ERO1B: variants seen among roughly 807,000 people sequenced by gnomAD.
ERO1B encodes the protein ERO1-like protein beta.
Under a neutral mutation model 75.3 loss-of-function variants are expected in ERO1B, and 49 were observed. The ratio of observed to expected loss-of-function variants is 0.65; its 90% CI spans 0.52 to 0.83. The LOEUF is 0.83. Ranked by LOEUF, ERO1B falls within the 40% of genes least tolerant of loss-of-function variation. The pLI is 0.00. For synonymous variants in ERO1B, 191 were observed against 192.9 expected, an observed-to-expected ratio of 0.99 and a Z score of 0.08; for missense variants, 512 against 560.1, an observed-to-expected ratio of 0.91 and a Z score of 0.87.
At chr1:236,246,334 ATTTT>A (rs879791349) in intron 5 of ERO1B, among the ~76,000 whole-genome samples, 10,431 of 148,216 alleles carry the variant, frequency 0.07, 743 homozygotes, top group East Asian at 0.39. Context: ...GCACCTGGCT[ATTTT>A]TTTTTTTAAT....
At chr1:236,274,563 C>G (rs573280731) in intron 1 of ERO1B, among the ~76,000 whole-genome samples, 2 of 152,256 alleles carry the variant, frequency 1.3e-5, no homozygotes, top group South Asian at 4.1e-4. Flanking sequence ...GACATTCTCA[C>G]TCTATTCTCC....
Position 236,235,774 on chromosome 1 carries a change from A to T in ERO1B, c.673+15T>A, listed in dbSNP as rs764327535. The stretch of plus-strand genomic sequence containing the variant: ...AACAATGAAAAGCATGAAAATGTAC[A>T]TATGAAAAACCTACCTCGGCTAGGC... On this transcript the variant is annotated intron_variant, in intron 8 of 15. Coordinates refer to ENST00000354619, the MANE Select transcript of ERO1B (RefSeq NM_019891.4). 4 of 1,602,420 alleles carry T rather than the reference A, an allele frequency of 2.5e-6. No individual in the cohort carries two copies. Among genetic ancestry groups the T allele is most frequent in the Admixed American group, 1.7e-5 (1 of 57,570 alleles).
chr1:236,243,887 A>C (rs1333718177), intron 5 of ERO1B, among the ~76,000 whole-genome samples: 2 of 152,174 alleles, frequency 1.3e-5, no homozygotes, highest in Non-Finnish European at 2.9e-5. Flanking sequence ...GAATTCTTTT[A>C]ATTTAAATTG....
chr1:236,243,755 G>T (rs1356008873), intron 5 of ERO1B, among the ~76,000 whole-genome samples: 1 of 151,982 alleles, frequency 6.6e-6, no homozygotes, highest in African/African-American at 2.4e-5. Flanking sequence ...ATTTCAAGGA[G>T]AAATTAATTT....
Position 236,216,636 on chromosome 1 carries a change from T to TG in ERO1B, c.*1879dup, listed in dbSNP as rs1663987533. 2 of 152,050 alleles carry TG rather than the reference T, an allele frequency of 1.3e-5. 1 individual carries two copies. Among genetic ancestry groups the TG allele is most frequent in the Admixed American group, 1.3e-4 (2 of 15,244 alleles). The allele number at this position is 152,050 out of a possible 1,614,324, so 9.4% of individuals were successfully genotyped here. A position where few individuals can be genotyped will look rare whatever the true frequency, so the allele number is the denominator to read the frequency against. On this transcript the variant is annotated 3_prime_UTR_variant, in exon 16 of 16. Transcript: ENST00000354619. Reference sequence around the variant, plus strand: ...TCACAGTACAGAAAAAAACAATAAATGGACATGAGCGAGGATTTTCTCCAG... The same window carrying TG: ...TCACAGTACAGAAAAAAACAATAAATGGGACATGAGCGAGGATTTTCTCCAG...
intron 5 of ERO1B, among the ~76,000 whole-genome samples, chr1:236,245,314 A>ATATACACACACGTATATATATACG (rs1558513064): frequency 5.3e-5 from 1 of 18,812 alleles, no homozygotes; most frequent in African/African-American, 9.9e-5. Flanking sequence ...ATATATATAT[A>ATATACACACACGTATATATATACG]TATATATACA....
intron 1 of ERO1B, among the ~76,000 whole-genome samples, chr1:236,281,222 C>T (rs1665821409): frequency 6.6e-6 from 1 of 152,330 alleles, no homozygotes; most frequent in South Asian, 2.1e-4. Flanking sequence ...TCCCAATCCC[C>T]TGCGCCTGGC....
At chr1:236,276,606 G>C (rs1421568994) in intron 1 of ERO1B, among the ~76,000 whole-genome samples, 1 of 152,186 alleles carries the variant, frequency 6.6e-6, no homozygotes, top group Non-Finnish European at 1.5e-5. Flanking sequence ...GCAACAAGGA[G>C]GACATCGGCG....
intron 9 of ERO1B, among the ~76,000 whole-genome samples, chr1:236,232,418 T>C (rs1664430781): frequency 6.6e-6 from 1 of 152,170 alleles, no homozygotes; most frequent in Non-Finnish European, 1.5e-5. Context: ...TGTTAATAAA[T>C]TGCTCGTCAT....
At position 236,253,486 on chromosome 1, in the gene ERO1B, C is replaced by T; in HGVS notation, c.242G>A (p.Cys81Tyr). Residue 81 changes from cysteine to tyrosine, a missense_variant, in exon 3 of 16, where the codon TGT becomes TAT. Transcript: ENST00000354619. Reference protein sequence around the residue: ...RYYKVNLKRPCPFWAEDGHCS... With the variant: ...RYYKVNLKRPYPFWAEDGHCS... ...GTGGCCATCTTCTGCCCAGAAAGGA[C>T]AAGGTCGCTTCAGATTAACCTTGAA... 1.2e-6 allele frequency: 2 copies of T among 1,609,408 alleles called. No individual in the cohort carries two copies. Among genetic ancestry groups the T allele is most frequent in the Non-Finnish European group, 1.7e-6 (2 of 1,177,156 alleles).
chr1:236,227,687 A>T (rs1039802433), intron 10 of ERO1B, among the ~76,000 whole-genome samples: 1 of 151,400 alleles, frequency 6.6e-6, no homozygotes, highest in Non-Finnish European at 1.5e-5. Context: ...GATGGGGGAA[A>T]TTTTTTTTTA....
intron 2 of ERO1B, among the ~76,000 whole-genome samples, 192 bp from the exon 3 acceptor site, chr1:236,253,697 G>A (rs1239531867): frequency 6.6e-6 from 1 of 152,184 alleles, no homozygotes; most frequent in Non-Finnish European, 1.5e-5. Flanking sequence ...CAGACTGGGT[G>A]ACAGAGAAAG....
intron 2 of ERO1B, among the ~76,000 whole-genome samples, chr1:236,258,684 C>T (rs575076817): frequency 3.3e-5 from 5 of 152,182 alleles, no homozygotes; most frequent in East Asian, 1.9e-4. Flanking sequence ...GCCAGAAATT[C>T]GAGACCAGCC....
intron 10 of ERO1B, among the ~76,000 whole-genome samples, chr1:236,229,788 G>C (rs1664357298): frequency 6.6e-6 from 1 of 152,086 alleles, no homozygotes; most frequent in Non-Finnish European, 1.5e-5. Flanking sequence ...AATCAGACAA[G>C]GTTAGACTAT....
chr1:236,220,041 A>G (rs1664100154), intron 15 of ERO1B: 1 of 151,192 alleles, frequency 6.6e-6, no homozygotes, highest in African/African-American at 2.4e-5. Context: ...AAAAAAAAAA[A>G]AAAAAAAAAA....
intron 1 of ERO1B, among the ~76,000 whole-genome samples, chr1:236,281,191 T>C (rs1026103159): frequency 6.6e-6 from 1 of 152,084 alleles, no homozygotes; most frequent in Non-Finnish European, 1.5e-5. Flanking sequence ...AGTCCGACAG[T>C]TCGAGTGAAG....
At chr1:236,271,145 A>G (rs1665579545) in intron 1 of ERO1B, among the ~76,000 whole-genome samples, 1 of 152,180 alleles carries the variant, frequency 6.6e-6, no homozygotes, top group Admixed American at 6.5e-5. Flanking sequence ...ATAAATAGAT[A>G]AAGAGTATAT....
At chr1:236,223,070 T>C (rs147427964) in intron 13 of ERO1B, among the ~76,000 whole-genome samples, 82 of 151,842 alleles carry the variant, frequency 5.4e-4, no homozygotes, top group African/African-American at 1.9e-3. Context: ...GGTGTGGTGG[T>C]GCATGCCTGT....
At chr1:236,275,106 T>C (rs182332996) in intron 1 of ERO1B, among the ~76,000 whole-genome samples, 1 of 152,336 alleles carries the variant, frequency 6.6e-6, no homozygotes, top group East Asian at 1.9e-4. Context: ...TATAAGATTT[T>C]AGCTTTTACT....
Sources: gnomAD v4.1 joint callset for allele counts (sites outside exome capture counted in the v4.1 genomes callset) on GRCh38, gnomAD v4.1.1 for gene constraint, MANE v1.5 for transcripts, NCBI Gene and HGNC (gene_info 2026-07-23, HGNC 2026-07-21) for gene names.